TMEM210: variants seen among roughly 807,000 people sequenced by gnomAD.
The protein encoded by TMEM210 is transmembrane protein 210.
In TMEM210, 7 loss-of-function variants were observed where a neutral mutation model predicts 10.3. The observed-to-expected ratio is 0.68, with a 90% CI of 0.39 to 1.28. The LOEUF (loss-of-function observed/expected upper bound fraction) is 1.28. Ranked by LOEUF, TMEM210 falls within the 50% of genes most tolerant of loss-of-function variation. The pLI is 0.01. For synonymous variants in TMEM210, 79 were observed against 81.2 expected (o/e 0.97, Z 0.14); for missense variants, 185 against 197.8 (o/e 0.94, Z 0.39).
At chr9:137,171,242 C>T in intron 3 of TMEM210, 78 bp from the exon 4 acceptor site, 1 of 1,486,672 alleles carries the variant, frequency 6.7e-7, no homozygotes, top group Non-Finnish European at 9.0e-7. Flanking sequence ...GGACAGTGCA[C>T]CCCCACAAAG....
At chr9:137,171,328 T>C (rs1209050717) in intron 3 of TMEM210, 86 bp downstream of exon 3, 1 of 1,521,928 alleles carries the variant, frequency 6.6e-7, no homozygotes, top group Non-Finnish European at 8.8e-7. Context: ...CCCCTCCTCC[T>C]CCAGGGACTC....
chr9:137,171,807 C>T (rs1205999115), intron 1 of TMEM210, 31 bp from the exon 2 acceptor site: 224 of 1,492,942 alleles, frequency 1.5e-4, no homozygotes, highest in Non-Finnish European at 1.9e-4. Flanking sequence ...GGCCATGGGC[C>T]GGTCACCTGC....
chr9:137,171,486 G>GC (rs1264961119), intron 2 of TMEM210, 43 bp from the exon 3 acceptor site: 3 of 1,535,290 alleles, frequency 2.0e-6, no homozygotes, highest in Non-Finnish European at 2.6e-6. Flanking sequence ...ACAGTGCTGG[G>GC]CCCCCGGAGC....
Position 137,171,683 on chromosome 9 carries a change from C to T in TMEM210, c.182G>A (p.Cys61Tyr). Residue 61 changes from cysteine to tyrosine, a missense_variant, in exon 2 of 4, where the codon TGT becomes TAT. Physicochemically the swap from Cys to Tyr is radical, Grantham distance 194. Transcript: ENST00000413619. Reference protein sequence around the residue: ...VLAGISASCFCALVIVAIGVL... With the variant: ...VLAGISASCFYALVIVAIGVL... ...ACCAATTGCCACGATGACGAGGGCA[C>T]AGAAGCAGCTGGCACTGATGCCCGC... 1.3e-6 allele frequency: 2 copies of T among 1,535,528 alleles called. No individual in the cohort carries two copies. Among genetic ancestry groups the T allele is most frequent in the Non-Finnish European group, 1.7e-6 (2 of 1,146,580 alleles).
chr9:137,171,786 CAG>C lies in TMEM210; in HGVS notation c.89-12_89-11del. The C allele has an allele frequency of 6.6e-7, 1 of 1,524,754 alleles. No homozygotes were observed. Among genetic ancestry groups the C allele is most frequent in the Non-Finnish European group, 8.8e-7 (1 of 1,140,328 alleles). The allele number at this position is 1,524,754 out of a possible 1,614,324, so 94.5% of individuals were successfully genotyped here. A position where few individuals can be genotyped will look rare whatever the true frequency, so the allele number is the denominator to read the frequency against. On this transcript the variant is annotated splice_polypyrimidine_tract_variant and intron_variant, in intron 1 of 3. Transcript: ENST00000413619. ...TCACAGTAGGTTCCAGCTGCAGAGA[CAG>C]GGCCACATGGCCATGGGCCGGTCAC...
rs997764092 is a variant in TMEM210 at position 137,171,715 on chromosome 9, C to G, written c.150G>C (p.Val50=). 6.5e-7 allele frequency: 1 copy of G among 1,535,430 alleles called. No individual in the cohort carries two copies. Among genetic ancestry groups the G allele is most frequent in the Admixed American group, 2.0e-5 (1 of 50,958 alleles). Residue 50 remains valine (V), a synonymous_variant, in exon 2 of 4, where the codon GTG becomes GTC. Coordinates refer to ENST00000413619, the MANE Select transcript of TMEM210 (RefSeq NM_001282477.2). ...AGCTGGCACTGATGCCCGCCAGCACCACAAGGAGGGCGATGAGGGCCTCGC... is the reference window on the plus strand; with the variant it reads ...AGCTGGCACTGATGCCCGCCAGCACGACAAGGAGGGCGATGAGGGCCTCGC... The part of the protein sequence containing the change: ...LSREALIALL[V]VLAGISASCF...
chr9:137,171,871 AGAGCTCCCACCTT>A, intron 1 of TMEM210, 56 bp downstream of exon 1: 1 of 1,439,268 alleles, frequency 6.9e-7, no homozygotes, highest in South Asian at 1.5e-5. Context: ...GAAGGACACC[AGAGCTCCCACCTT>A]GCCTGGGGAA....
Position 137,171,767 on chromosome 9 carries a change from T to TA in TMEM210, c.97dup (p.Tyr33LeufsTer3). On this transcript the variant is annotated frameshift_variant, in exon 2 of 4. Transcript: ENST00000413619. LOFTEE classifies it high-confidence loss of function. ...GCTGAGGCCAAGGCTGCATTCACAG[T>TA]AGGTTCCAGCTGCAGAGACAGGGCC... 2.0e-6 allele frequency: 3 copies of TA among 1,531,872 alleles called. No homozygotes were observed. Among genetic ancestry groups the TA allele is most frequent in the Non-Finnish European group, 2.6e-6 (3 of 1,144,524 alleles). 94.9% of individuals were successfully genotyped at this position (1,531,872 alleles called of 1,614,324 possible). A position where few individuals can be genotyped will look rare whatever the true frequency, so the allele number is the denominator to read the frequency against.
chr9:137,171,392 C>T (rs1341133274), intron 3 of TMEM210, 22 bp downstream of exon 3: 20 of 1,535,334 alleles, frequency 1.3e-5, no homozygotes, highest in South Asian at 3.6e-5. Context: ...GTGCCTCCCT[C>T]GAGGGCCTCC....
In TMEM210 at chr9:137,171,922, G is replaced by C; in HGVS notation, c.88+18C>G. 1 of 1,433,600 alleles carries C rather than the reference G, an allele frequency of 7.0e-7. No individual in the cohort carries two copies. The highest frequency in any genetic ancestry group is 9.1e-7 in the Non-Finnish European group (1 of 1,096,978). 88.8% of individuals were successfully genotyped at this position (1,433,600 alleles called of 1,614,324 possible). A position where few individuals can be genotyped will look rare whatever the true frequency, so the allele number is the denominator to read the frequency against. The stretch of plus-strand genomic sequence containing the variant: ...GGAGCCATGGCTGGGAGTGGAGTGC[G>C]GGGGCAGGAGGAGGCACCTGCAGCA... On this transcript the variant is annotated intron_variant, in intron 1 of 3. Transcript: ENST00000413619.
Position 137,171,921 on chromosome 9 carries a change from C to T in TMEM210, c.88+19G>A, listed in dbSNP as rs776588851. On this transcript the variant is annotated intron_variant, in intron 1 of 3. Transcript: ENST00000413619. ...GGGAGCCATGGCTGGGAGTGGAGTG[C>T]GGGGGCAGGAGGAGGCACCTGCAGC... The T allele has an allele frequency of 2.6e-4, 377 of 1,433,400 alleles. 1 individual carries two copies. Among genetic ancestry groups the T allele is most frequent in the Non-Finnish European group, 3.1e-4 (338 of 1,096,868 alleles). The allele number at this position is 1,433,400 out of a possible 1,614,324, so 88.8% of individuals were successfully genotyped here.
intron 3 of TMEM210, 102 bp downstream of exon 3, chr9:137,171,312 A>G: frequency 6.6e-7 from 1 of 1,511,674 alleles, no homozygotes; most frequent in East Asian, 2.5e-5. Flanking sequence ...TCCTCCAGGG[A>G]CAGCACCCCT....
At chr9:137,171,366 C>T (rs1834104013) in intron 3 of TMEM210, 48 bp downstream of exon 3, 3 of 1,534,972 alleles carry the variant, frequency 2.0e-6, no homozygotes, top group African/African-American at 1.4e-5. Flanking sequence ...CCGCCAAGGG[C>T]CTCCCCTGAG....
intron 2 of TMEM210, 21 bp from the exon 3 acceptor site, chr9:137,171,464 A>G: frequency 6.5e-7 from 1 of 1,535,522 alleles, no homozygotes; most frequent in South Asian, 1.2e-5. Flanking sequence ...GAAGGCCAAC[A>G]TGAGTCCTGG....
intron 3 of TMEM210, 32 bp from the exon 4 acceptor site, chr9:137,171,196 TAG>T (rs1834100235): frequency 3.3e-6 from 5 of 1,527,986 alleles, no homozygotes; most frequent in Non-Finnish European, 4.4e-6. Context: ...CACGAGCTGG[TAG>T]AGTCCTTGTT....
chr9:137,171,928 A>C lies in TMEM210; in HGVS notation c.88+12T>G. 7.0e-7 allele frequency: 1 copy of C among 1,433,760 alleles called. No homozygotes were observed. The highest frequency in any genetic ancestry group is 9.1e-7 in the Non-Finnish European group (1 of 1,097,214). The allele number at this position is 1,433,760 out of a possible 1,614,324, so 88.8% of individuals were successfully genotyped here. The stretch of plus-strand genomic sequence containing the variant: ...ATGGCTGGGAGTGGAGTGCGGGGGC[A>C]GGAGGAGGCACCTGCAGCAGGGATG... On this transcript the variant is annotated intron_variant, in intron 1 of 3. Coordinates refer to ENST00000413619, the MANE Select transcript of TMEM210 (RefSeq NM_001282477.2).
chr9:137,171,336 C>T (rs1234618796), intron 3 of TMEM210, 78 bp downstream of exon 3: 1 of 1,524,250 alleles, frequency 6.6e-7, no homozygotes, highest in Non-Finnish European at 8.8e-7. Context: ...CCTCCAGGGA[C>T]TCCCCTGGGA....
intron 1 of TMEM210, 49 bp downstream of exon 1, chr9:137,171,891 G>T: frequency 7.0e-7 from 1 of 1,434,786 alleles, no homozygotes; most frequent in Non-Finnish European, 9.1e-7. Context: ...CCTTGCCTGG[G>T]GAAGGGGAGC....
Position 137,171,700 on chromosome 9 carries a change from G to A in TMEM210, c.165C>T (p.Ile55=), listed in dbSNP as rs1381245508. ...CGAGGGCACAGAAGCAGCTGGCACT[G>A]ATGCCCGCCAGCACCACAAGGAGGG... The part of the protein sequence containing the change: ...LIALLVVLAG[I]SASCFCALVI... Residue 55 remains isoleucine (I), a synonymous_variant, in exon 2 of 4, where the codon ATC becomes ATT. Transcript: ENST00000413619. 2 of 1,535,548 alleles carry A rather than the reference G, an allele frequency of 1.3e-6. No individual in the cohort carries two copies. The highest frequency in any genetic ancestry group is 2.4e-5 in the East Asian group (1 of 40,926).
Sources: gnomAD v4.1 joint callset for allele counts on GRCh38, gnomAD v4.1.1 for gene constraint, MANE v1.5 for transcripts, NCBI Gene and HGNC (gene_info 2026-07-23, HGNC 2026-07-21) for gene names.